PRKAR2B: variants seen among roughly 807,000 people sequenced by gnomAD.
The protein encoded by PRKAR2B is cAMP-dependent protein kinase type II-beta regulatory subunit.
Under a neutral mutation model 49.9 loss-of-function variants are expected in PRKAR2B, and 14 were observed. The observed-to-expected ratio is 0.28, with a 90% confidence interval of 0.19 to 0.44. The LOEUF (loss-of-function observed/expected upper bound fraction) is 0.44. Among genes scored for constraint, PRKAR2B ranks in the 20% least tolerant of loss-of-function variants. The pLI, the probability that PRKAR2B is intolerant of heterozygous loss-of-function variation, is 1.00. For missense variants in PRKAR2B, 393 were observed against 537.9 expected, an observed-to-expected ratio of 0.73 and a Z score of 2.67; for synonymous variants, 196 against 197.7, an observed-to-expected ratio of 0.99 and a Z score of 0.07.
intron 3 of PRKAR2B, among the ~76,000 whole-genome samples, chr7:107,125,412 TTATCTGAAA>T (rs1795464741): frequency 6.6e-6 from 1 of 152,248 alleles, no homozygotes; most frequent in South Asian, 2.1e-4. Flanking sequence ...AATAAAATTT[TTATCTGAAA>T]TCAGGAATGA....
intron 7 of PRKAR2B, among the ~76,000 whole-genome samples, 193 bp from the exon 8 acceptor site, chr7:107,152,984 G>A (rs1351785862): frequency 6.6e-6 from 1 of 152,220 alleles, no homozygotes; most frequent in Non-Finnish European, 1.5e-5. Flanking sequence ...GATTTTTCAA[G>A]AGAAGCTGGA....
chr7:107,056,490 A>C (rs922825609), intron 1 of PRKAR2B, among the ~76,000 whole-genome samples: 2 of 152,032 alleles, frequency 1.3e-5, no homozygotes, highest in African/African-American at 2.4e-5. Flanking sequence ...CTTTTATTTC[A>C]TTGAGCAGTG....
At chr7:107,093,471 T>C (rs1794770526) in intron 2 of PRKAR2B, among the ~76,000 whole-genome samples, 1 of 152,088 alleles carries the variant, frequency 6.6e-6, no homozygotes, top group Non-Finnish European at 1.5e-5. Context: ...CTTTGTGATA[T>C]TGGAGAAATG....
intron 2 of PRKAR2B, among the ~76,000 whole-genome samples, chr7:107,117,748 G>A (rs1234137271): frequency 6.6e-6 from 1 of 151,730 alleles, no homozygotes; most frequent in Non-Finnish European, 1.5e-5. Context: ...TTTATGTATA[G>A]CACATGAAAA....
chr7:107,157,464 C>A, intron 10 of PRKAR2B, 140 bp downstream of exon 10: 1 of 1,092,642 alleles, frequency 9.2e-7, no homozygotes, highest in Non-Finnish European at 1.2e-6. Context: ...GACTCATTGC[C>A]TTATAAAATC....
At chr7:107,136,150 C>T (rs1795698507) in intron 4 of PRKAR2B, among the ~76,000 whole-genome samples, 1 of 152,058 alleles carries the variant, frequency 6.6e-6, no homozygotes, top group African/African-American at 2.4e-5. Context: ...TAGAAATGGA[C>T]ATTTTATTTT....
intron 10 of PRKAR2B, among the ~76,000 whole-genome samples, chr7:107,159,062 G>A (rs1796148497): frequency 6.6e-6 from 1 of 152,112 alleles, no homozygotes; most frequent in Non-Finnish European, 1.5e-5. Flanking sequence ...CCCTGAGAAG[G>A]GAACACAGGA....
intron 4 of PRKAR2B, among the ~76,000 whole-genome samples, chr7:107,134,038 G>C (rs1360866253): frequency 6.6e-6 from 1 of 151,684 alleles, no homozygotes; most frequent in East Asian, 1.9e-4. Context: ...TTTTGTTGTT[G>C]TTGTTGTTTT....
At chr7:107,054,959 C>T (rs1793881416) in intron 1 of PRKAR2B, among the ~76,000 whole-genome samples, 1 of 152,136 alleles carries the variant, frequency 6.6e-6, no homozygotes, top group African/African-American at 2.4e-5. Context: ...CCATCCCTCC[C>T]CCATCCCCCA....
rs1222229499 is a variant in PRKAR2B, at chr7:107,157,227, T to C, written c.1026T>C (p.Ala342=). The change falls in exon 10 of 11, where the codon GCT becomes GCC. Residue 342 remains alanine, a synonymous_variant. Transcript: ENST00000265717. ...AAGAGAATGGTGCAGTAGAAATCGC[T>C]CGATGCTCGCGGGGACAGTACTTTG... is the stretch of plus-strand genomic sequence containing the variant. ...EVEENGAVEI[A]RCSRGQYFGE... is the part of the protein sequence containing the mutation. 16 of 1,614,034 alleles carry C rather than the reference T, an allele frequency of 9.9e-6. No homozygotes were observed. Among genetic ancestry groups the C allele is most frequent in the Non-Finnish European group, 1.4e-5 (16 of 1,180,026 alleles).
chr7:107,123,378 C>A (rs936548196), intron 3 of PRKAR2B, among the ~76,000 whole-genome samples: 2 of 152,162 alleles, frequency 1.3e-5, no homozygotes, highest in African/African-American at 4.8e-5. Context: ...AGTTAAGATT[C>A]ATTTGACTGT....
At chr7:107,122,627 C>T (rs1271120093) in intron 3 of PRKAR2B, among the ~76,000 whole-genome samples, 1 of 152,110 alleles carries the variant, frequency 6.6e-6, no homozygotes, top group Non-Finnish European at 1.5e-5. Context: ...CCCTCCCCCC[C>T]TTTTTTTGAG....
intron 2 of PRKAR2B, among the ~76,000 whole-genome samples, chr7:107,111,132 C>T (rs943968783): frequency 4.6e-5 from 7 of 152,158 alleles, no homozygotes; most frequent in Admixed American, 2.6e-4. Context: ...CCTGGCAGTA[C>T]GCCCCATAGG....
intron 2 of PRKAR2B, among the ~76,000 whole-genome samples, chr7:107,100,525 A>G (rs1439203027): frequency 6.6e-6 from 1 of 152,246 alleles, no homozygotes; most frequent in East Asian, 1.9e-4. Context: ...TAGAATCTAC[A>G]TAAATGTTTT....
chr7:107,155,307 C>T (rs1796060634), intron 8 of PRKAR2B, among the ~76,000 whole-genome samples: 1 of 152,122 alleles, frequency 6.6e-6, no homozygotes, highest in African/African-American at 2.4e-5. Context: ...AATCCCAGCA[C>T]TTTGGGAGGC....
Position 107,061,181 on chromosome 7 carries a change from C to CT in PRKAR2B, c.308-9090dup, listed in dbSNP as rs539868941. Among the ~76,000 whole-genome samples the CT allele has an allele frequency of 3.5e-4, 52 of 148,284 alleles. 1 individual carries two copies. The South Asian group carries it at 4.9e-3, about 14-fold the overall frequency. On this transcript the variant is annotated intron_variant, in intron 1 of 10. Coordinates refer to ENST00000265717, the MANE Select transcript of PRKAR2B (RefSeq NM_002736.3). The stretch of plus-strand genomic sequence containing the variant: ...TTGATATATGGTATGGTAACTCTCA[C>CT]TTTTTTTTTTGCTTTAAAATGATTT...
At chr7:107,154,087 T>C (rs1352384565) in intron 8 of PRKAR2B, among the ~76,000 whole-genome samples, 1 of 152,146 alleles carries the variant, frequency 6.6e-6, no homozygotes, top group Non-Finnish European at 1.5e-5. Flanking sequence ...AGTGTGTGTG[T>C]GTGTATGTGT....
chr7:107,107,505 C>T (rs967453618), intron 2 of PRKAR2B, among the ~76,000 whole-genome samples: 12 of 151,996 alleles, frequency 7.9e-5, no homozygotes, highest in Admixed American at 2.6e-4. Context: ...GGATGCTTCC[C>T]GTTGTCCCCC....
chr7:107,101,768 C>T (rs1417906331), intron 2 of PRKAR2B, among the ~76,000 whole-genome samples: 1 of 151,896 alleles, frequency 6.6e-6, no homozygotes, highest in African/African-American at 2.4e-5. Flanking sequence ...CAGCCCTAGG[C>T]AGGAATGCCA....
Sources: allele counts gnomAD v4.1 joint callset (sites outside exome capture counted in the v4.1 genomes callset), GRCh38; gene constraint gnomAD v4.1.1; transcripts MANE v1.5; gene names NCBI Gene and HGNC (gene_info 2026-07-23, HGNC 2026-07-21).